Variants in SPATS2L observed in about 807,000 individuals in gnomAD.
The protein encoded by SPATS2L is SPATS2-like protein.
In SPATS2L, 30 loss-of-function variants were observed where a neutral mutation model predicts 59.6. That is an observed-to-expected ratio of 0.50 (90% CI 0.38 to 0.68). The LOEUF is 0.68. Ranked by LOEUF, SPATS2L falls within the 30% of genes least tolerant of loss-of-function variation. SPATS2L has a pLI of 0.00. For synonymous variants in SPATS2L, 252 were observed against 263.5 expected, an observed-to-expected ratio of 0.96 and a Z score of 0.42; for missense variants, 615 against 700.0, an observed-to-expected ratio of 0.88 and a Z score of 1.37.
chr2:200,431,263 G>A (rs2083915571), intron 6 of SPATS2L, among the ~76,000 whole-genome samples: 1 of 152,018 alleles, frequency 6.6e-6, no homozygotes, highest in Admixed American at 6.6e-5. Context: ...TTTTCCATTT[G>A]TATTTTTTCT....
intron 1 of SPATS2L, among the ~76,000 whole-genome samples, chr2:200,326,115 G>A (rs2079731249): frequency 6.6e-6 from 1 of 152,152 alleles, no homozygotes; most frequent in Non-Finnish European, 1.5e-5. Context: ...ACCCAAGTTT[G>A]TCTGATTCCA....
chr2:200,476,663 T>A (rs904447542), intron 12 of SPATS2L, among the ~76,000 whole-genome samples: 18 of 152,252 alleles, frequency 1.2e-4, no homozygotes, highest in African/African-American at 4.1e-4. Flanking sequence ...CCTAGGGTAG[T>A]ACCCATGACC....
chr2:200,320,867 AAAT>A (rs2079539718), intron 1 of SPATS2L, among the ~76,000 whole-genome samples: 1 of 152,218 alleles, frequency 6.6e-6, no homozygotes, highest in African/African-American at 2.4e-5. Flanking sequence ...TAGATAGAAA[AAAT>A]AATTTAAAAG....
chr2:200,339,134 C>T (rs1463364150), intron 2 of SPATS2L, among the ~76,000 whole-genome samples: 1 of 152,162 alleles, frequency 6.6e-6, no homozygotes, highest in Non-Finnish European at 1.5e-5. Context: ...ACTGTTGACT[C>T]GCAACAACAC....
At chr2:200,466,044 G>T (rs2086579021) in intron 9 of SPATS2L, among the ~76,000 whole-genome samples, 1 of 152,176 alleles carries the variant, frequency 6.6e-6, no homozygotes, top group Admixed American at 6.5e-5. Flanking sequence ...AACAAAAGAA[G>T]ATAATGCCTT....
chr2:200,416,094 T>G (rs2083044816), intron 4 of SPATS2L, among the ~76,000 whole-genome samples: 1 of 152,180 alleles, frequency 6.6e-6, no homozygotes, highest in Admixed American at 6.5e-5. Context: ...TAGAAAATTC[T>G]CAAGATATAT....
rs1156610511 is a variant in SPATS2L, at chr2:200,329,461, A to T, written c.-42A>T. ...TTCAGAAACCAGGCTGCTTTCAGGA[A>T]CATTGCTGTGGATTCCCAGGTGAGT... On this transcript the variant is annotated 5_prime_UTR_variant, in exon 2 of 13. Transcript: ENST00000409140. The T allele has an allele frequency of 6.4e-7, 1 of 1,550,434 alleles. No homozygotes were observed. Among genetic ancestry groups the T allele is most frequent in the African/African-American group, 1.4e-5 (1 of 73,032 alleles).
intron 6 of SPATS2L, 72 bp from the exon 7 acceptor site, chr2:200,439,050 C>T (rs2084502444): frequency 2.3e-6 from 3 of 1,321,248 alleles, no homozygotes; most frequent in African/African-American, 1.5e-5. Flanking sequence ...AAAATCTTGG[C>T]ATCCTCCATC....
At chr2:200,375,723 CT>C (rs1380066090) in intron 2 of SPATS2L, among the ~76,000 whole-genome samples, 1 of 152,150 alleles carries the variant, frequency 6.6e-6, no homozygotes, top group Non-Finnish European at 1.5e-5. Context: ...ACCTCCCGGG[CT>C]CAAGTGATCC....
chr2:200,363,067 C>T (rs1179102488), intron 2 of SPATS2L, among the ~76,000 whole-genome samples: 1 of 152,100 alleles, frequency 6.6e-6, no homozygotes, highest in East Asian at 1.9e-4. Flanking sequence ...TGCCATTGCC[C>T]CTCGATCCAG....
chr2:200,466,728 A>G (rs2106214056), intron 9 of SPATS2L, among the ~76,000 whole-genome samples: 1 of 152,344 alleles, frequency 6.6e-6, no homozygotes, highest in South Asian at 2.1e-4. Context: ...ATGGAAACAT[A>G]TCTGCAGAGT....
chr2:200,464,330 G>A (rs868308632), intron 9 of SPATS2L, among the ~76,000 whole-genome samples: 1 of 152,180 alleles, frequency 6.6e-6, no homozygotes, highest in Non-Finnish European at 1.5e-5. Context: ...TATGTAAAAT[G>A]CATTTTAACA....
chr2:200,437,519 G>C (rs1269774066), intron 6 of SPATS2L, among the ~76,000 whole-genome samples: 1 of 152,134 alleles, frequency 6.6e-6, no homozygotes, highest in Non-Finnish European at 1.5e-5. Context: ...TCACACTGAA[G>C]TTTGACAGCC....
At chr2:200,365,499 CTCTG>C (rs1250153604) in intron 2 of SPATS2L, among the ~76,000 whole-genome samples, 2 of 152,202 alleles carry the variant, frequency 1.3e-5, no homozygotes, top group African/African-American at 2.4e-5. Flanking sequence ...ATACATGGGA[CTCTG>C]TCTGTGAACT....
At chr2:200,396,855 G>A (rs2082371573) in intron 3 of SPATS2L, among the ~76,000 whole-genome samples, 1 of 152,146 alleles carries the variant, frequency 6.6e-6, no homozygotes, top group Non-Finnish European at 1.5e-5. Context: ...CCATGAAACA[G>A]GTTCTTGTCA....
intron 7 of SPATS2L, among the ~76,000 whole-genome samples, chr2:200,439,673 A>G (rs898148341): frequency 6.6e-6 from 1 of 152,148 alleles, no homozygotes; most frequent in Admixed American, 6.6e-5. Flanking sequence ...GCTAAAAGGG[A>G]CTCATGTTTC....
rs2081046684 is a variant in SPATS2L at position 200,360,082 on chromosome 2, C to G, written c.-22-29141C>G. Among the ~76,000 whole-genome samples the G allele has an allele frequency of 2.0e-5, 3 of 152,190 alleles. No homozygotes were observed. In the South Asian group the frequency reaches 6.2e-4, roughly 32 times the overall value. Reference sequence around the variant, plus strand: ...TATTAATACAGAAGCACATGTTTAACCTTTATAAATAAATAACATATATGG... The same window carrying G: ...TATTAATACAGAAGCACATGTTTAAGCTTTATAAATAAATAACATATATGG... On this transcript the variant is annotated intron_variant, in intron 2 of 12. Transcript: ENST00000409140.
intron 1 of SPATS2L, among the ~76,000 whole-genome samples, chr2:200,311,878 A>G (rs2079203353): frequency 6.6e-6 from 1 of 152,112 alleles, no homozygotes; most frequent in Admixed American, 6.5e-5. Flanking sequence ...GTTTGAGGTG[A>G]TTACTGAAAG....
At chr2:200,414,927 T>G (rs1241899504) in intron 4 of SPATS2L, among the ~76,000 whole-genome samples, 1 of 152,206 alleles carries the variant, frequency 6.6e-6, no homozygotes, top group Non-Finnish European at 1.5e-5. Context: ...AATAAGCAAC[T>G]CACCACCACT....
Sources: allele counts gnomAD v4.1 joint callset (sites outside exome capture counted in the v4.1 genomes callset), GRCh38; gene constraint gnomAD v4.1.1; transcripts MANE v1.5; gene names NCBI Gene and HGNC (gene_info 2026-07-23, HGNC 2026-07-21).